PCDH15: variants seen among roughly 807,000 people sequenced by gnomAD.
The protein encoded by PCDH15 is protocadherin-15.
PCDH15 carries 129 observed loss-of-function variants against 178.5 expected under a neutral mutation model. That is an observed-to-expected ratio of 0.72 (90% CI 0.63 to 0.84). PCDH15 has a LOEUF of 0.84. PCDH15 is among the 40% of genes least tolerant of loss of function. The pLI is 0.00. For missense variants in PCDH15, 2,230 were observed against 2,099.9 expected, an observed-to-expected ratio of 1.06 and a Z score of -1.21; for synonymous variants, 800 against 732.0, an observed-to-expected ratio of 1.09 and a Z score of -1.50.
At position 53,805,084 on chromosome 10, in the gene PCDH15, G is replaced by A. The variant is rs1841068372; in HGVS notation, c.*1495C>T. Reference sequence around the variant, plus strand: ...TACTCTTACAAGTCGGCAAGTTTATGTCAGTACAATTCATTCACTTTGGAA... The same window carrying A: ...TACTCTTACAAGTCGGCAAGTTTATATCAGTACAATTCATTCACTTTGGAA... On this transcript the variant is annotated 3_prime_UTR_variant, in exon 38 of 38. Coordinates refer to ENST00000644397, the MANE Select transcript of PCDH15 (RefSeq NM_001384140.1). 2 of 151,908 alleles carry A rather than the reference G, an allele frequency of 1.3e-5. No homozygotes were observed. Among genetic ancestry groups the A allele is most frequent in the Non-Finnish European group, 2.9e-5 (2 of 67,928 alleles). 9.4% of individuals were successfully genotyped at this position (151,908 alleles called of 1,614,324 possible). A position where few individuals can be genotyped will look rare whatever the true frequency, so the allele number is the denominator to read the frequency against.
At chr10:55,236,664 T>A (rs913810559) in intron 1 of PCDH15, among the ~76,000 whole-genome samples, 1 of 152,052 alleles carries the variant, frequency 6.6e-6, no homozygotes, top group South Asian at 2.1e-4. Context: ...TTTGAAATAA[T>A]ACTGAACATT....
chr10:54,444,705 A>G (rs151101659), intron 3 of PCDH15, among the ~76,000 whole-genome samples: 20 of 151,784 alleles, frequency 1.3e-4, no homozygotes, highest in African/African-American at 4.6e-4. Context: ...TTCCTGAAAC[A>G]TCTATTAATA....
intron 26 of PCDH15, among the ~76,000 whole-genome samples, chr10:53,901,953 G>A (rs1589330853): frequency 6.6e-6 from 1 of 152,060 alleles, no homozygotes; most frequent in African/African-American, 2.4e-5. Flanking sequence ...CAACTAGTTT[G>A]TCTGCATTAC....
At chr10:53,983,075 C>A (rs1306289816) in intron 21 of PCDH15, among the ~76,000 whole-genome samples, 2 of 151,544 alleles carry the variant, frequency 1.3e-5, no homozygotes, top group Non-Finnish European at 2.9e-5. Flanking sequence ...AATATTTTAC[C>A]CCGACATGGT....
chr10:54,227,137 G>A (rs1290370391), intron 9 of PCDH15, among the ~76,000 whole-genome samples: 3 of 152,230 alleles, frequency 2.0e-5, no homozygotes, highest in Non-Finnish European at 2.9e-5. Flanking sequence ...TGGTGCCCCA[G>A]TAGGGACTCA....
At chr10:54,917,742 A>G (rs1186372456) in intron 2 of PCDH15, among the ~76,000 whole-genome samples, 1 of 152,208 alleles carries the variant, frequency 6.6e-6, no homozygotes, top group East Asian at 1.9e-4. Context: ...TTTAAATTCA[A>G]GTTCCTTTTG....
chr10:53,903,988 AT>A (rs2082501844), intron 25 of PCDH15, among the ~76,000 whole-genome samples: 1 of 152,200 alleles, frequency 6.6e-6, no homozygotes, highest in Admixed American at 6.5e-5. Context: ...ATTATGACTC[AT>A]AAATGCTGCA....
At chr10:55,486,671 T>A (rs74824710) in intron 2 of PCDH15, among the ~76,000 whole-genome samples, 1 of 151,574 alleles carries the variant, frequency 6.6e-6, no homozygotes, top group Non-Finnish European at 1.5e-5. Context: ...GAATCTTTTT[T>A]ATTTTATTAT....
intron 3 of PCDH15, among the ~76,000 whole-genome samples, chr10:54,469,674 T>A (rs2136652977): frequency 6.6e-6 from 1 of 152,304 alleles, no homozygotes; most frequent in Admixed American, 6.5e-5. Flanking sequence ...TAAGCAGGTC[T>A]ATGCAATTCT....
intron 1 of PCDH15, among the ~76,000 whole-genome samples, chr10:55,200,982 T>G (rs564025740): frequency 6.6e-6 from 1 of 152,214 alleles, no homozygotes; most frequent in East Asian, 1.9e-4. Flanking sequence ...TAATTCCTTA[T>G]AGCAACATGA....
chr10:54,476,417 C>A (rs1297911152), intron 3 of PCDH15, among the ~76,000 whole-genome samples: 1 of 152,022 alleles, frequency 6.6e-6, no homozygotes, highest in African/African-American at 2.4e-5. Context: ...TTCAGATGAA[C>A]AGCTGTGATC....
At chr10:54,928,643 A>T (rs1837689619) in intron 2 of PCDH15, among the ~76,000 whole-genome samples, 1 of 151,876 alleles carries the variant, frequency 6.6e-6, no homozygotes, top group Admixed American at 6.6e-5. Flanking sequence ...CCTTTTCATT[A>T]CTTTTTCTTT....
intron 3 of PCDH15, among the ~76,000 whole-genome samples, chr10:54,444,417 G>C (rs975155270): frequency 6.6e-6 from 1 of 151,692 alleles, no homozygotes; most frequent in African/African-American, 2.4e-5. Context: ...CCCTGACCTG[G>C]AGTAGCCAAA....
chr10:54,313,566 T>A (rs2061040202), intron 8 of PCDH15, among the ~76,000 whole-genome samples: 1 of 152,054 alleles, frequency 6.6e-6, no homozygotes, highest in Admixed American at 6.6e-5. Flanking sequence ...TGCTATCAAT[T>A]TTTGCATGTA....
At chr10:55,440,908 C>T (rs1163059551) in intron 2 of PCDH15, among the ~76,000 whole-genome samples, 1 of 152,076 alleles carries the variant, frequency 6.6e-6, no homozygotes, top group Non-Finnish European at 1.5e-5. Context: ...GGGGTTTCCC[C>T]ATATAAAACC....
intron 10 of PCDH15, among the ~76,000 whole-genome samples, chr10:54,198,492 A>ATTTTTT (rs1423646160): frequency 1.2e-4 from 5 of 40,834 alleles, no homozygotes; most frequent in African/African-American, 3.9e-4. Flanking sequence ...ATATCTAATT[A>ATTTTTT]TTCTTTTTTT....
intron 2 of PCDH15, among the ~76,000 whole-genome samples, chr10:54,979,641 C>G (rs1375610565): frequency 4.1e-5 from 6 of 147,992 alleles, no homozygotes; most frequent in African/African-American, 1.5e-4. Context: ...TGTACTCCAG[C>G]CTGGGTGACA....
rs568656785 is a variant in PCDH15 at position 54,450,239 on chromosome 10, A to G, written c.158-71297T>C. Among the ~76,000 whole-genome samples the G allele has an allele frequency of 3.7e-4, 55 of 149,832 alleles. 1 individual carries two copies. The highest frequency in any genetic ancestry group is 1.2e-3 in the African/African-American group (50 of 40,964). Reference sequence around the variant, plus strand: ...TACATGTGCCATGTTGGTGTGCTGCACCCATTAACTCGTCATTTACATTAC... The same window carrying G: ...TACATGTGCCATGTTGGTGTGCTGCGCCCATTAACTCGTCATTTACATTAC... On this transcript the variant is annotated intron_variant, in intron 3 of 37. Transcript: ENST00000644397.
intron 3 of PCDH15, among the ~76,000 whole-genome samples, chr10:54,494,466 T>C (rs1235583966): frequency 6.6e-6 from 1 of 152,136 alleles, no homozygotes; most frequent in Non-Finnish European, 1.5e-5. Flanking sequence ...TTTTAACCAA[T>C]TTCGGTTAAG....
Sources: allele counts gnomAD v4.1 joint callset (sites outside exome capture counted in the v4.1 genomes callset), GRCh38; gene constraint gnomAD v4.1.1; transcripts MANE v1.5; gene names NCBI Gene and HGNC (gene_info 2026-07-23, HGNC 2026-07-21).